The following LRRC7 variants were observed in gnomAD, a reference collection of about 807,000 sequenced individuals.
The protein encoded by LRRC7 is leucine-rich repeat-containing protein 7.
LRRC7 carries 23 observed loss-of-function variants against 175.7 expected under a neutral mutation model. The ratio of observed to expected loss-of-function variants is 0.13; its 90% confidence interval spans 0.09 to 0.19. LRRC7 has a LOEUF of 0.19. Among genes scored for constraint, LRRC7 ranks in the 10% least tolerant of loss-of-function variants. The pLI is 1.00. For synonymous variants in LRRC7, 685 were observed against 680.9 expected (o/e 1.01, Z -0.09); for missense variants, 1,354 against 1,904.7 (o/e 0.71, Z 5.38).
At chr1:69,686,021 A>C (rs1446109697) in intron 2 of LRRC7, among the ~76,000 whole-genome samples, 1 of 152,178 alleles carries the variant, frequency 6.6e-6, no homozygotes, top group Non-Finnish European at 1.5e-5. Flanking sequence ...CAGAAATAAC[A>C]CATTACATAT....
chr1:69,766,668 C>A (rs773000105), intron 3 of LRRC7, among the ~76,000 whole-genome samples: 1 of 152,154 alleles, frequency 6.6e-6, no homozygotes, highest in Non-Finnish European at 1.5e-5. Flanking sequence ...ATCAGTTGAT[C>A]CCAGGCTTCT....
rs761262533 is a variant in LRRC7 at position 69,577,651 on chromosome 1, G to T, written c.2+9010G>T. Among the ~76,000 whole-genome samples, 43 of 152,136 alleles carry T rather than the reference G, an allele frequency of 2.8e-4. 1 individual carries two copies. Among genetic ancestry groups the T allele is most frequent in the Non-Finnish European group, 3.5e-4 (24 of 67,970 alleles). Reference sequence around the variant, plus strand: ...TTAAATAGGGAATCCTTTCCCCATTGCTTGTTTTTCTCAGGTTTGTCAAAG... The same window carrying T: ...TTAAATAGGGAATCCTTTCCCCATTTCTTGTTTTTCTCAGGTTTGTCAAAG... On this transcript the variant is annotated intron_variant, in intron 1 of 26. Transcript: ENST00000651989.
chr1:69,707,209 G>C (rs531082592), intron 2 of LRRC7, among the ~76,000 whole-genome samples: 26 of 152,292 alleles, frequency 1.7e-4, no homozygotes, highest in African/African-American at 6.3e-4. Context: ...TGTAAGTGCA[G>C]ACACTGTCAT....
Position 70,136,338 on chromosome 1 carries a change from T to A in LRRC7, c.*14451T>A, listed in dbSNP as rs1287574033. Among the ~76,000 whole-genome samples, 3 of 152,104 alleles carry A rather than the reference T, an allele frequency of 2.0e-5. No individual in the cohort carries two copies. Among genetic ancestry groups the A allele is most frequent in the Non-Finnish European group, 4.4e-5 (3 of 68,028 alleles). On this transcript the variant is annotated 3_prime_UTR_variant, in exon 27 of 27. Transcript: ENST00000651989. Reference sequence around the variant, plus strand: ...AGACCTGTAGGTTTGAATCGAGAGATGTTTAAGTAATTCTCTTGTAAGTCT... The same window carrying A: ...AGACCTGTAGGTTTGAATCGAGAGAAGTTTAAGTAATTCTCTTGTAAGTCT...
intron 1 of LRRC7, 111 bp downstream of exon 1, chr1:69,568,752 C>A: frequency 1.9e-5 from 12 of 615,448 alleles, no homozygotes; most frequent in Non-Finnish European, 2.2e-5. Flanking sequence ...GCGGGGGTGG[C>A]AGGGCGGGAG....
chr1:70,090,022 T>A (rs1402970862), intron 25 of LRRC7, among the ~76,000 whole-genome samples: 2 of 152,114 alleles, frequency 1.3e-5, no homozygotes, highest in Non-Finnish European at 2.9e-5. Context: ...AAGGGAAAAG[T>A]CTCTAAACAT....
In LRRC7 at chr1:70,044,049, G is replaced by A. The variant is rs1312313273; in HGVS notation, c.4065G>A (p.Leu1355=). Residue 1355 remains leucine (L), a synonymous_variant, in exon 22 of 27, where the codon TTG becomes TTA. Transcript: ENST00000651989. ...CAGGCAGAAGCATGACTTTAAACTTGCAGACTAAGTCTAAATTTGATCATC... is the reference window on the plus strand; with the variant it reads ...CAGGCAGAAGCATGACTTTAAACTTACAGACTAAGTCTAAATTTGATCATC... ...MHAGRSMTLN[L]QTKSKFDHQE... is the part of the protein sequence containing the mutation. 2 of 1,613,414 alleles carry A rather than the reference G, an allele frequency of 1.2e-6. No individual in the cohort carries two copies. The highest frequency in any genetic ancestry group is 2.2e-5 in the East Asian group (1 of 44,820).
chr1:69,893,789 A>G (rs1171039709), intron 7 of LRRC7, among the ~76,000 whole-genome samples: 2 of 150,914 alleles, frequency 1.3e-5, no homozygotes, highest in East Asian at 3.9e-4. Context: ...TTAATTTTTA[A>G]TACAAAATTT....
chr1:69,760,237 G>T lies in LRRC7; in HGVS notation c.147G>T (p.Leu49=), dbSNP rs1287913483. The change falls in exon 3 of 27, where the codon CTG becomes CTT. Residue 49 remains leucine, a synonymous_variant. Transcript: ENST00000651989. The stretch of plus-strand genomic sequence containing the variant: ...CCAAACGGAAAATCATCGGCCGTCT[G>T]GTGCCATGCCGATGTTTCCGAGGTG... ...MTTKRKIIGR[L]VPCRCFRGEE... is the part of the protein sequence containing the mutation. The T allele has an allele frequency of 1.9e-6, 3 of 1,612,742 alleles. No homozygotes were observed. Among genetic ancestry groups the T allele is most frequent in the South Asian group, 1.1e-5 (1 of 91,046 alleles).
At chr1:70,109,011 GTT>G (rs1558075554) in intron 26 of LRRC7, among the ~76,000 whole-genome samples, 2 of 147,642 alleles carry the variant, frequency 1.4e-5, no homozygotes, top group East Asian at 2.0e-4. Context: ...TGTTGTTGTT[GTT>G]TTGTTTTTGT....
At position 70,082,785 on chromosome 1, in the gene LRRC7, T is replaced by C. The variant is rs1238102734; in HGVS notation, c.4452+6487T>C. Among the ~76,000 whole-genome samples, 59 of 91,612 alleles carry C rather than the reference T, an allele frequency of 6.4e-4. 17 individuals are homozygous for C. The highest frequency in any genetic ancestry group is 0.011 in the Middle Eastern group (2 of 180). The allele number at this position is 91,612 out of a possible 152,430, so 60.1% of individuals were successfully genotyped here. On this transcript the variant is annotated intron_variant, in intron 24 of 26. Transcript: ENST00000651989. ...AGTCAATCTTGATACCAGTACATTTTTTTTTTTTTTTTTTTTTTTTTTTTT... is the reference window on the plus strand; with the variant it reads ...AGTCAATCTTGATACCAGTACATTTCTTTTTTTTTTTTTTTTTTTTTTTTT...
At position 69,683,228 on chromosome 1, in the gene LRRC7, C is replaced by T. The variant is rs956890701; in HGVS notation, c.100+4750C>T. Among the ~76,000 whole-genome samples the T allele has an allele frequency of 3.9e-5, 6 of 152,130 alleles. No homozygotes were observed. The East Asian group carries it at 5.8e-4, about 15-fold the overall frequency. On this transcript the variant is annotated intron_variant, in intron 2 of 26. Coordinates refer to ENST00000651989, the MANE Select transcript of LRRC7 (RefSeq NM_001370785.2). ...ACATTTCTTCCCCTTTTCTCTCCTA[C>T]GTTCACTCTAATTTCAAGGCCTCTC...
At chr1:69,880,082 G>A (rs78359763) in intron 7 of LRRC7, among the ~76,000 whole-genome samples, 5,212 of 152,258 alleles carry the variant, frequency 0.034, 108 homozygotes, top group East Asian at 0.066. Context: ...AATGCTCCGA[G>A]ACACTGGAGA....
chr1:69,944,661 C>T (rs114932397), intron 8 of LRRC7, among the ~76,000 whole-genome samples: 1 of 152,040 alleles, frequency 6.6e-6, no homozygotes, highest in Non-Finnish European at 1.5e-5. Context: ...CACATCCTTG[C>T]CAACACTTAT....
intron 8 of LRRC7, among the ~76,000 whole-genome samples, chr1:69,945,080 A>G (rs967899344): frequency 3.3e-5 from 5 of 152,076 alleles, no homozygotes; most frequent in Admixed American, 1.3e-4. Flanking sequence ...AGTCTTTGCC[A>G]AGAACAACGC....
intron 2 of LRRC7, among the ~76,000 whole-genome samples, chr1:69,689,629 G>A (rs1350676290): frequency 6.6e-6 from 1 of 152,038 alleles, no homozygotes; most frequent in African/African-American, 2.4e-5. Flanking sequence ...TCATTGCTTA[G>A]GTTCATCATT....
In LRRC7 at chr1:69,569,117, CTT is replaced by C. The variant is rs1344343732; in HGVS notation, c.2+478_2+479del. ...CACTTGTGGCAGGACGCACTTGTCT[CTT>C]TATCTTGGAAGGTGTTGTATCAATG... On this transcript the variant is annotated intron_variant, in intron 1 of 26. Transcript: ENST00000651989. Among the ~76,000 whole-genome samples the C allele has an allele frequency of 4.6e-5, 7 of 151,546 alleles. No homozygotes were observed. The East Asian group carries it at 1.2e-3, about 25-fold the overall frequency.
intron 11 of LRRC7, among the ~76,000 whole-genome samples, chr1:70,000,668 T>A (rs892756009): frequency 1.3e-5 from 2 of 152,178 alleles, no homozygotes; most frequent in Admixed American, 6.6e-5. Context: ...TACCTCTACC[T>A]GAAATATTCT....
At chr1:70,114,649 T>C (rs61784310) in intron 26 of LRRC7, among the ~76,000 whole-genome samples, 19,538 of 152,142 alleles carry the variant, frequency 0.13, 1,739 homozygotes, top group African/African-American at 0.25. Context: ...GATAGAGCCA[T>C]TGCACTCCAG....
Sources: gnomAD v4.1 joint callset for allele counts (sites outside exome capture counted in the v4.1 genomes callset) on GRCh38, gnomAD v4.1.1 for gene constraint, MANE v1.5 for transcripts, NCBI Gene and HGNC (gene_info 2026-07-23, HGNC 2026-07-21) for gene names.